ZNF292: variants seen among roughly 807,000 people sequenced by gnomAD.
The protein encoded by ZNF292 is zinc finger protein 292.
Under a neutral mutation model 217.9 loss-of-function variants are expected in ZNF292, and 26 were observed. The ratio of observed to expected loss-of-function variants is 0.12; its 90% CI spans 0.09 to 0.17. The LOEUF is 0.17. Among genes scored for constraint, ZNF292 ranks in the 10% least tolerant of loss-of-function variants. The pLI is 1.00. For synonymous variants in ZNF292, 1,257 were observed against 1,124.1 expected, an observed-to-expected ratio of 1.12 and a Z score of -2.37; for missense variants, 2,904 against 3,175.2, an observed-to-expected ratio of 0.91 and a Z score of 2.05.
At chr6:87,203,601 G>T (rs896515194) in intron 1 of ZNF292, among the ~76,000 whole-genome samples, 10 of 151,936 alleles carry the variant, frequency 6.6e-5, no homozygotes, top group Non-Finnish European at 1.2e-4. Context: ...TCTGCAAGGG[G>T]GGGTGGGGTG....
intron 1 of ZNF292, among the ~76,000 whole-genome samples, chr6:87,181,179 C>G (rs138080533): frequency 1.5e-4 from 23 of 152,288 alleles, no homozygotes; most frequent in African/African-American, 5.5e-4. Context: ...TGACAGCCTT[C>G]CATATCCCAC....
chr6:87,189,632 G>GTT (rs944471275), intron 1 of ZNF292, among the ~76,000 whole-genome samples: 1 of 147,518 alleles, frequency 6.8e-6, no homozygotes, highest in African/African-American at 2.5e-5. Context: ...CTGGGATTAT[G>GTT]TTTTTTTTTT....
chr6:87,202,979 A>G (rs1435518395), intron 1 of ZNF292, among the ~76,000 whole-genome samples: 1 of 152,062 alleles, frequency 6.6e-6, no homozygotes, highest in Non-Finnish European at 1.5e-5. Flanking sequence ...AGAGTTCACT[A>G]CTATCCAGGG....
At chr6:87,199,539 G>T (rs1772049164) in intron 1 of ZNF292, among the ~76,000 whole-genome samples, 1 of 152,090 alleles carries the variant, frequency 6.6e-6, no homozygotes, top group Admixed American at 6.5e-5. Context: ...GATCATGTTT[G>T]GTGTTCGAAG....
At chr6:87,209,289 A>C (rs1772383280) in intron 1 of ZNF292, among the ~76,000 whole-genome samples, 1 of 151,780 alleles carries the variant, frequency 6.6e-6, no homozygotes, top group South Asian at 2.1e-4. Flanking sequence ...TTAAGATTTT[A>C]TTTCTTTTTG....
intron 7 of ZNF292, among the ~76,000 whole-genome samples, chr6:87,253,162 CCTTGCCTTCCCAA>C (rs1243831783): frequency 6.6e-6 from 1 of 151,328 alleles, no homozygotes. Flanking sequence ...GTCCCTCCCA[CCTTGCCTTCCCAA>C]AGCACTGGGA....
intron 5 of ZNF292, among the ~76,000 whole-genome samples, chr6:87,242,868 A>G (rs1434915785): frequency 2.6e-5 from 4 of 152,238 alleles, no homozygotes; most frequent in Admixed American, 2.6e-4. Flanking sequence ...GTACACATGC[A>G]TGACTGTTGG....
chr6:87,178,209 G>T (rs1273628888), intron 1 of ZNF292, among the ~76,000 whole-genome samples: 1 of 107,988 alleles, frequency 9.3e-6, no homozygotes, highest in Non-Finnish European at 1.8e-5. Flanking sequence ...TAGTTTCTTT[G>T]TATTATGATT....
chr6:87,202,296 C>A (rs747093419), intron 1 of ZNF292, among the ~76,000 whole-genome samples: 2 of 152,066 alleles, frequency 1.3e-5, no homozygotes, highest in Non-Finnish European at 2.9e-5. Context: ...CTAGGTACTT[C>A]ACGAGTTTTG....
chr6:87,168,511 T>G (rs1300820393), intron 1 of ZNF292, among the ~76,000 whole-genome samples: 2 of 152,184 alleles, frequency 1.3e-5, no homozygotes, highest in East Asian at 3.8e-4. Flanking sequence ...TTCGCTCTTG[T>G]CAGGCTGGAG....
At chr6:87,203,967 G>C (rs1772169542) in intron 1 of ZNF292, among the ~76,000 whole-genome samples, 1 of 152,136 alleles carries the variant, frequency 6.6e-6, no homozygotes, top group Admixed American at 6.5e-5. Flanking sequence ...CTTTAATCAA[G>C]GGATCAAAAT....
In ZNF292 at chr6:87,233,462, A is replaced by G. The variant is rs755878554; in HGVS notation, c.676A>G (p.Ser226Gly). The G allele has an allele frequency of 4.3e-6, 7 of 1,613,620 alleles. 1 individual carries two copies. In the South Asian group the frequency reaches 6.6e-5, roughly 15 times the overall value. The change falls in exon 5 of 8, where the codon AGT becomes GGT. Residue 226 changes from serine (S) to glycine (G), a missense_variant. Around this residue, in one of 15 missense-constraint regions of ZNF292, gnomAD observed 313 missense variants for 451.0 expected, o/e 0.69. Transcript: ENST00000369577. The stretch of plus-strand genomic sequence containing the variant: ...CCATCCAGAGATTGGCATAAAAGGT[A>G]GTTTTAAGCAAACTTACCTTGTCTG... ...SDHPEIGIKG[S>G]FKQTYLVCLC...
At chr6:87,234,491 G>C (rs1018646325) in intron 5 of ZNF292, among the ~76,000 whole-genome samples, 4 of 151,980 alleles carry the variant, frequency 2.6e-5, no homozygotes, top group Admixed American at 6.5e-5. Flanking sequence ...CCTGGGAGGT[G>C]GGGGTTGCAG....
intron 1 of ZNF292, among the ~76,000 whole-genome samples, chr6:87,196,663 GGTT>G (rs1227758843): frequency 1.3e-5 from 2 of 150,322 alleles, no homozygotes; most frequent in African/African-American, 5.0e-5. Context: ...TGTTGAACCA[GGTT>G]GTTGGGGACT....
intron 1 of ZNF292, among the ~76,000 whole-genome samples, chr6:87,196,249 G>A (rs117821116): frequency 0.011 from 1,602 of 152,256 alleles, 12 homozygotes; most frequent in Non-Finnish European, 0.017. Flanking sequence ...AAGTCATGAA[G>A]TATTTCAGAG....
rs575127477 is a variant in ZNF292, at chr6:87,204,620, A to G, written c.169-11283A>G. The stretch of plus-strand genomic sequence containing the variant: ...CTCTTATCGCCCAGGCTGGAGTGCA[A>G]TGGCACGATCTTGCCTCACTGCAAC... On this transcript the variant is annotated intron_variant, in intron 1 of 7. Coordinates refer to ENST00000369577, the MANE Select transcript of ZNF292 (RefSeq NM_015021.3). 5.4e-5 allele frequency among the ~76,000 whole-genome samples: 7 copies of G among 129,846 alleles called. No individual in the cohort carries two copies. In the South Asian group the frequency reaches 1.2e-3, roughly 23 times the overall value. 85.2% of individuals were successfully genotyped at this position (129,846 alleles called of 152,430 possible). A position where few individuals can be genotyped will look rare whatever the true frequency, so the allele number is the denominator to read the frequency against.
chr6:87,238,094 A>C (rs1224748247), intron 5 of ZNF292, among the ~76,000 whole-genome samples: 2 of 152,196 alleles, frequency 1.3e-5, no homozygotes, highest in African/African-American at 4.8e-5. Flanking sequence ...TGAGAAATGA[A>C]GTTTGCTGTG....
chr6:87,182,684 G>A (rs1156358545), intron 1 of ZNF292, among the ~76,000 whole-genome samples: 2 of 152,138 alleles, frequency 1.3e-5, no homozygotes, highest in Non-Finnish European at 2.9e-5. Context: ...AGAAATTGAA[G>A]GAGGAAAGAA....
chr6:87,246,820 C>T (rs988128897), intron 7 of ZNF292, among the ~76,000 whole-genome samples: 3 of 152,130 alleles, frequency 2.0e-5, no homozygotes, highest in African/African-American at 7.2e-5. Flanking sequence ...TGCACCACTG[C>T]GCTCCAGCCT....
Sources: gnomAD v4.1 joint callset for allele counts (sites outside exome capture counted in the v4.1 genomes callset) on GRCh38, gnomAD v4.1.1 for gene constraint, gnomAD v4.1.1 regional missense constraint, MANE v1.5 for transcripts, NCBI Gene and HGNC (gene_info 2026-07-23, HGNC 2026-07-21) for gene names.